Variants in CCDC3 observed in about 807,000 individuals in gnomAD.
CCDC3 encodes coiled-coil domain containing 3, also known as coiled-coil domain-containing protein 3.
A neutral mutation model predicts 21.4 loss-of-function variants in CCDC3; 24 were observed. The ratio of observed to expected loss-of-function variants is 1.12; its 90% CI spans 0.81 to 1.58. The LOEUF (loss-of-function observed/expected upper bound fraction) is 1.58. CCDC3 is among the 40% of genes most tolerant of loss of function. CCDC3 has a pLI of 0.00. For missense variants in CCDC3, 425 were observed against 360.9 expected (o/e 1.18, Z -1.44); for synonymous variants, 186 against 166.0 (o/e 1.12, Z -0.93).
chr10:12,963,181 T>C (rs1835206216), intron 2 of CCDC3, among the ~76,000 whole-genome samples: 1 of 152,204 alleles, frequency 6.6e-6, no homozygotes, highest in Non-Finnish European at 1.5e-5. Context: ...ATATTTTTTC[T>C]TTATTTAGAA....
intron 1 of CCDC3, among the ~76,000 whole-genome samples, chr10:12,999,719 T>A (rs117876131): frequency 0.029 from 4,414 of 152,370 alleles, 103 homozygotes; most frequent in Non-Finnish European, 0.044. Flanking sequence ...GGACAAACTG[T>A]ATTTCATGAT....
chr10:13,068,470 C>T (rs114605763), intron 4 of CCDC3, among the ~76,000 whole-genome samples: 1,693 of 152,024 alleles, frequency 0.011, 36 homozygotes, highest in African/African-American at 0.038. Context: ...CTTTAATCCT[C>T]GAGGAATAAA....
intron 2 of CCDC3, among the ~76,000 whole-genome samples, chr10:12,956,473 C>T (rs918759317): frequency 4.6e-5 from 7 of 152,206 alleles, no homozygotes; most frequent in Admixed American, 2.6e-4. Context: ...CATGGGACCT[C>T]GATTTTGTTC....
chr10:13,096,583 G>A (rs1170571709), intron 3 of CCDC3, among the ~76,000 whole-genome samples: 1 of 152,184 alleles, frequency 6.6e-6, no homozygotes, highest in Non-Finnish European at 1.5e-5. Flanking sequence ...CAAAACTCCA[G>A]GAGGGCTTTT....
At chr10:13,027,013 C>A (rs908401493) in intron 5 of CCDC3, among the ~76,000 whole-genome samples, 3 of 152,208 alleles carry the variant, frequency 2.0e-5, no homozygotes, top group East Asian at 3.8e-4. Context: ...GGATACCCAA[C>A]CCTTGTGGTT....
chr10:13,085,451 T>C lies in CCDC3; in HGVS notation c.-502-11351A>G, dbSNP rs551372502. ...TAACAACGGGAGGTCCTTAGCGATTTTGGACACAGCAGATGGATTTTCAGT... is the reference window on the plus strand; with the variant it reads ...TAACAACGGGAGGTCCTTAGCGATTCTGGACACAGCAGATGGATTTTCAGT... On this transcript the variant is annotated intron_variant, in intron 3 of 6. Coordinates refer to the CCDC3 transcript ENST00000378839. Among the ~76,000 whole-genome samples the C allele has an allele frequency of 4.6e-5, 7 of 152,292 alleles. No homozygotes were observed. In the East Asian group the frequency reaches 1.3e-3, roughly 29 times the overall value.
intron 2 of CCDC3, among the ~76,000 whole-genome samples, chr10:12,928,669 C>G (rs1212756859): frequency 6.6e-6 from 1 of 152,312 alleles, no homozygotes; most frequent in Non-Finnish European, 1.5e-5. Context: ...ACCTCCCAGC[C>G]TGCCCACATT....
intron 3 of CCDC3, among the ~76,000 whole-genome samples, chr10:13,087,993 T>G (rs1837133014): frequency 6.6e-6 from 1 of 152,180 alleles, no homozygotes; most frequent in Admixed American, 6.5e-5. Flanking sequence ...GTAAAAAGTC[T>G]TTGTGTGCGT....
In CCDC3 at chr10:12,998,500, A is replaced by ATT. The variant is rs1835798120; in HGVS notation, c.385_386dup (p.Asn129LysfsTer94). 3.1e-6 allele frequency: 5 copies of ATT among 1,613,996 alleles called. No individual in the cohort carries two copies. Among genetic ancestry groups the ATT allele is most frequent in the Non-Finnish European group, 4.2e-6 (5 of 1,179,986 alleles). ...TGACTCCGTGAGGCAAGAGGTTATA[A>ATT]TTTTCATCCATCCTAATGGAGGAAA... On this transcript the variant is annotated frameshift_variant, in exon 2 of 3. Transcript: ENST00000378825. LOFTEE classifies it high-confidence loss of function.
chr10:12,956,182 G>A (rs565008381), intron 2 of CCDC3, among the ~76,000 whole-genome samples: 56 of 152,292 alleles, frequency 3.7e-4, no homozygotes, highest in Middle Eastern at 3.4e-3. Context: ...CCACTGGGTT[G>A]CAATCTTGCC....
At chr10:12,949,094 G>C (rs1564295317) in intron 2 of CCDC3, among the ~76,000 whole-genome samples, 1 of 152,046 alleles carries the variant, frequency 6.6e-6, no homozygotes, top group Non-Finnish European at 1.5e-5. Flanking sequence ...TCACAATTTT[G>C]GGGGCTCCTG....
rs193271105 is a variant in CCDC3 at position 13,024,293 on chromosome 10, G to A, written c.-2+25381C>T. The stretch of plus-strand genomic sequence containing the variant: ...TGTATAGTTTTATATGCATCAAACT[G>A]TAATCTCCATTAGAGAAAAGTGCAC... On this transcript the variant is annotated intron_variant, in intron 5 of 6. Coordinates refer to the CCDC3 transcript ENST00000378839. 2.7e-3 allele frequency among the ~76,000 whole-genome samples: 407 copies of A among 151,976 alleles called. 3 individuals are homozygous for A. Among genetic ancestry groups the A allele is most frequent in the Non-Finnish European group, 5.9e-4 (40 of 67,998 alleles).
rs537463642 is a variant in CCDC3 at position 13,029,358 on chromosome 10, T to C, written c.-2+20316A>G. 8.5e-5 allele frequency among the ~76,000 whole-genome samples: 13 copies of C among 152,066 alleles called. 1 individual carries two copies. In the South Asian group the frequency reaches 2.1e-3, roughly 24 times the overall value. The stretch of plus-strand genomic sequence containing the variant: ...CGTCACCATGATCAAAGACCAAAGG[T>C]AGATAAAACCACAAAGATGGGGAGA... On this transcript the variant is annotated intron_variant, in intron 5 of 6. Coordinates refer to the CCDC3 transcript ENST00000378839.
intron 2 of CCDC3, among the ~76,000 whole-genome samples, chr10:12,911,297 A>G (rs912616319): frequency 6.6e-6 from 1 of 152,202 alleles, no homozygotes; most frequent in Non-Finnish European, 1.5e-5. Context: ...CGGGGACTCT[A>G]TCTCTGGTTT....
At chr10:13,042,647 A>G (rs1289227730) in intron 5 of CCDC3, among the ~76,000 whole-genome samples, 3 of 151,240 alleles carry the variant, frequency 2.0e-5, no homozygotes, top group Middle Eastern at 3.3e-3. Context: ...GGTGGCTCAC[A>G]CCTGTAATCT....
chr10:13,025,291 G>A (rs1312892638), intron 5 of CCDC3, among the ~76,000 whole-genome samples: 2 of 152,184 alleles, frequency 1.3e-5, no homozygotes, highest in African/African-American at 4.8e-5. Flanking sequence ...ATGGCAGATT[G>A]GTTCCAAGAA....
At chr10:12,917,668 AAC>A (rs1298089230) in intron 2 of CCDC3, among the ~76,000 whole-genome samples, 1 of 152,186 alleles carries the variant, frequency 6.6e-6, no homozygotes, top group Non-Finnish European at 1.5e-5. Context: ...TATTTCTTGG[AAC>A]ACAGTGTCTT....
At position 12,897,341 on chromosome 10, in the gene CCDC3, C is replaced by G. The variant is rs890156837; in HGVS notation, c.*1075G>C. The G allele has an allele frequency of 3.3e-5, 5 of 152,140 alleles. No individual in the cohort carries two copies. The highest frequency in any genetic ancestry group is 4.1e-4 in the South Asian group (2 of 4,822). 9.4% of individuals were successfully genotyped at this position (152,140 alleles called of 1,614,324 possible). On this transcript the variant is annotated 3_prime_UTR_variant, in exon 3 of 3. Coordinates refer to ENST00000378825, the MANE Select transcript of CCDC3 (RefSeq NM_031455.4). ...GTTTTATTTCCAGAAAGGTGAAGTGCTTTGGTGGTGTAAGGAACTGACGTA... is the reference window on the plus strand; with the variant it reads ...GTTTTATTTCCAGAAAGGTGAAGTGGTTTGGTGGTGTAAGGAACTGACGTA...
In CCDC3 at chr10:12,982,482, G is replaced by A. The variant is rs544313622; in HGVS notation, c.549+15856C>T. ...TTGTTAAGAGTAGATTTCATATTAC[G>A]TGTTTTTTACCATAATTAAAAAAAA... On this transcript the variant is annotated intron_variant, in intron 2 of 2. Transcript: ENST00000378825. Among the ~76,000 whole-genome samples, 4 of 150,832 alleles carry A rather than the reference G, an allele frequency of 2.7e-5. No homozygotes were observed. The South Asian group carries it at 6.6e-4, about 25-fold the overall frequency.
Sources: allele counts gnomAD v4.1 joint callset (sites outside exome capture counted in the v4.1 genomes callset), GRCh38; gene constraint gnomAD v4.1.1; transcripts MANE v1.5; gene names NCBI Gene and HGNC (gene_info 2026-07-23, HGNC 2026-07-21).